The following TAOK1 variants were observed in gnomAD, a reference collection of about 807,000 sequenced individuals.
The protein encoded by TAOK1 is serine/threonine-protein kinase TAO1.
In TAOK1, 21 loss-of-function variants were observed where a neutral mutation model predicts 138.3. The observed-to-expected ratio is 0.15, with a 90% CI of 0.11 to 0.22. The LOEUF (loss-of-function observed/expected upper bound fraction) is 0.22, where lower values mean the gene tolerates loss of function less well. Ranked by LOEUF, TAOK1 falls within the 10% of genes least tolerant of loss-of-function variation. The pLI is 1.00. For missense variants in TAOK1, 651 were observed against 1,227.7 expected, an observed-to-expected ratio of 0.53 and a Z score of 7.02; for synonymous variants, 361 against 398.4, an observed-to-expected ratio of 0.91 and a Z score of 1.12.
chr17:29,435,302 A>G (rs566734691), intron 1 of TAOK1, among the ~76,000 whole-genome samples: 9 of 152,344 alleles, frequency 5.9e-5, no homozygotes, highest in Admixed American at 2.6e-4. Context: ...TGACAAATGT[A>G]TGGTAAATTT....
At chr17:29,433,052 G>A (rs548528402) in intron 1 of TAOK1, among the ~76,000 whole-genome samples, 1 of 152,290 alleles carries the variant, frequency 6.6e-6, no homozygotes, top group Non-Finnish European at 1.5e-5. Context: ...GAGCCACTGA[G>A]TCTCCAGGGC....
Position 29,533,713 on chromosome 17 carries a change from C to T in TAOK1, c.2362-405C>T, listed in dbSNP as rs1054057894. On this transcript the variant is annotated intron_variant, in intron 18 of 19. Transcript: ENST00000261716. ...AAAACCAGTCAGGCGTGGCGGCGCG[C>T]GCCTGCAATCGCAGGCACTCGGCAG... Among the ~76,000 whole-genome samples, 122 of 151,044 alleles carry T rather than the reference C, an allele frequency of 8.1e-4. 1 individual carries two copies. In the South Asian group the frequency reaches 8.6e-3, roughly 11 times the overall value.
At position 29,530,574 on chromosome 17, in the gene TAOK1, T is replaced by G. The variant is rs567287218; in HGVS notation, c.2316T>G (p.Ala772=). 6.2e-7 allele frequency: 1 copy of G among 1,614,194 alleles called. No individual in the cohort carries two copies. Among genetic ancestry groups the G allele is most frequent in the East Asian group, 2.2e-5 (1 of 44,890 alleles). ...EEQTRKLAIL[A]EQYDHSINEM... is the part of the protein sequence containing the mutation. ...AGACCCGGAAATTAGCTATCTTGGC[T>G]GAGCAGTATGATCACAGCATTAATG... Residue 772 remains alanine, a synonymous_variant, in exon 18 of 20, where the codon GCT becomes GCG. Coordinates refer to ENST00000261716, the MANE Select transcript of TAOK1 (RefSeq NM_020791.4).
chr17:29,455,978 A>G (rs529795831), intron 2 of TAOK1, among the ~76,000 whole-genome samples: 2 of 150,120 alleles, frequency 1.3e-5, no homozygotes, highest in Non-Finnish European at 2.9e-5. Flanking sequence ...CTGGCTTCAT[A>G]GGGTGAGTTA....
At chr17:29,538,949 T>C (rs2032268280) in intron 19 of TAOK1, among the ~76,000 whole-genome samples, 1 of 152,200 alleles carries the variant, frequency 6.6e-6, no homozygotes, top group Non-Finnish European at 1.5e-5. Context: ...TGGTTAGTAG[T>C]GTTTTTAAGT....
In TAOK1 at chr17:29,522,489, G is replaced by A. The variant is rs1363129388; in HGVS notation, c.2118G>A (p.Met706Ile). Reference protein sequence around the residue: ...RERELRRKHVMEVRQQPKSLK... With the variant: ...RERELRRKHVIEVRQQPKSLK... ...GAGAACTAAGACGAAAGCATGTCAT[G>A]GAAGTTCGACAACAGCCTAAGAGTT... is the stretch of plus-strand genomic sequence containing the variant. Residue 706 changes from methionine to isoleucine, a missense_variant, in exon 17 of 20, where the codon ATG (methionine) becomes ATA (isoleucine). Around this residue, in one of 8 missense-constraint regions of TAOK1, gnomAD observed 258 missense variants for 548.9 expected, o/e 0.47. Coordinates refer to ENST00000261716, the MANE Select transcript of TAOK1 (RefSeq NM_020791.4). The A allele has an allele frequency of 6.2e-7, 1 of 1,614,186 alleles. No homozygotes were observed. The highest frequency in any genetic ancestry group is 1.1e-5 in the South Asian group (1 of 91,080).
intron 1 of TAOK1, among the ~76,000 whole-genome samples, chr17:29,394,741 A>G (rs1458631229): frequency 2.0e-5 from 3 of 152,208 alleles, no homozygotes; most frequent in Admixed American, 1.3e-4. Context: ...TTTTTGGTAC[A>G]TATTAGTTGA....
intron 1 of TAOK1, among the ~76,000 whole-genome samples, chr17:29,427,039 T>C (rs774075671): frequency 2.0e-5 from 3 of 152,124 alleles, no homozygotes; most frequent in Non-Finnish European, 4.4e-5. Context: ...GGATGAGAAT[T>C]GATATACTAG....
rs1168664221 is a variant in TAOK1, at chr17:29,550,424, TAAGAC to T, written c.*7405_*7409del. 10 of 152,308 alleles carry T rather than the reference TAAGAC, an allele frequency of 6.6e-5. No individual in the cohort carries two copies. The highest frequency in any genetic ancestry group is 6.5e-4 in the Admixed American group (10 of 15,292). The allele number at this position is 152,308 out of a possible 1,614,324, so 9.4% of individuals were successfully genotyped here. A position where few individuals can be genotyped will look rare whatever the true frequency, so the allele number is the denominator to read the frequency against. ...AAAGTTTTTTAGCCCACTTAAAACT[TAAGAC>T]AACCATTTAAAATAATGGATGGGTT... On this transcript the variant is annotated 3_prime_UTR_variant, in exon 20 of 20. Transcript: ENST00000261716.
At chr17:29,425,573 G>A (rs912992646) in intron 1 of TAOK1, among the ~76,000 whole-genome samples, 1 of 152,142 alleles carries the variant, frequency 6.6e-6, no homozygotes, top group African/African-American at 2.4e-5. Context: ...CAGCTACTCG[G>A]GAGGCTGAGG....
At chr17:29,396,202 C>A (rs573974333) in intron 1 of TAOK1, among the ~76,000 whole-genome samples, 3 of 152,046 alleles carry the variant, frequency 2.0e-5, no homozygotes, top group Non-Finnish European at 4.4e-5. Flanking sequence ...TCAGCTGGGA[C>A]GTTTCTGTCA....
chr17:29,406,697 A>G (rs1025935736), intron 1 of TAOK1, among the ~76,000 whole-genome samples: 4 of 151,178 alleles, frequency 2.6e-5, no homozygotes, highest in Admixed American at 6.6e-5. Context: ...CACCCCCCCA[A>G]CTAAGCAGCT....
In TAOK1 at chr17:29,498,338, C is replaced by T; in HGVS notation, c.1020C>T (p.Gly340=). 6.2e-7 allele frequency: 1 copy of T among 1,614,046 alleles called. No homozygotes were observed. The highest frequency in any genetic ancestry group is 8.5e-7 in the Non-Finnish European group (1 of 1,179,990). ...CTTAGGAACAAGATCATGGTGTTGG[C>T]CGGACAGGAACAGTTAATAGTGTTG... ...EEEEEQDHGV[G]RTGTVNSVGS... is the part of the protein sequence containing the mutation. Residue 340 remains glycine, a synonymous_variant, in exon 12 of 20, where the codon GGC becomes GGT. Transcript: ENST00000261716.
At chr17:29,542,259 G>T (rs1469756742) in intron 19 of TAOK1, among the ~76,000 whole-genome samples, 1 of 152,108 alleles carries the variant, frequency 6.6e-6, no homozygotes, top group Non-Finnish European at 1.5e-5. Flanking sequence ...ATGAGTGAGG[G>T]TTGAAAAATT....
intron 1 of TAOK1, among the ~76,000 whole-genome samples, chr17:29,422,772 T>C (rs79247409): frequency 6.6e-6 from 1 of 152,218 alleles, no homozygotes; most frequent in Non-Finnish European, 1.5e-5. Context: ...ACGCCTATAA[T>C]CCCAGCACTT....
intron 19 of TAOK1, 25 bp from the exon 20 acceptor site, chr17:29,542,536 T>C: frequency 1.3e-6 from 2 of 1,535,040 alleles, no homozygotes; most frequent in Non-Finnish European, 1.8e-6. Flanking sequence ...AAATTGGCTT[T>C]CATTTTTCTT....
At position 29,478,353 on chromosome 17, in the gene TAOK1, T is replaced by A; in HGVS notation, c.449+6T>A. 1 of 1,553,370 alleles carries A rather than the reference T, an allele frequency of 6.4e-7. No individual in the cohort carries two copies. The highest frequency in any genetic ancestry group is 2.4e-5 in the East Asian group (1 of 42,352). The stretch of plus-strand genomic sequence containing the variant: ...TCTCATACTATGATTCATAGGTAAG[T>A]GCTTTGGAAATTATATATTGATAAG... On this transcript the variant is annotated splice_donor_region_variant and intron_variant, in intron 6 of 19. Coordinates refer to ENST00000261716, the MANE Select transcript of TAOK1 (RefSeq NM_020791.4).
chr17:29,511,317 T>C (rs939501250), intron 15 of TAOK1: 1 of 154,092 alleles, frequency 6.5e-6, no homozygotes, highest in Non-Finnish European at 1.4e-5. Context: ...CACTTCAAGC[T>C]CTGCCTACTG....
At chr17:29,530,826 T>C (rs2032088057) in intron 18 of TAOK1, 1 of 586,922 alleles carries the variant, frequency 1.7e-6, no homozygotes, top group African/African-American at 1.9e-5. Context: ...CATTTAGACA[T>C]GAGGTTCTAA....
Sources: gnomAD v4.1 joint callset for allele counts (sites outside exome capture counted in the v4.1 genomes callset) on GRCh38, gnomAD v4.1.1 for gene constraint, gnomAD v4.1.1 regional missense constraint, MANE v1.5 for transcripts, NCBI Gene and HGNC (gene_info 2026-07-23, HGNC 2026-07-21) for gene names.